The following THSD4 variants were observed in gnomAD, a reference collection of about 807,000 sequenced individuals.
THSD4 encodes the protein thrombospondin type 1 domain containing 4.
In THSD4, 69 loss-of-function variants were observed where a neutral mutation model predicts 119.0. The observed-to-expected ratio is 0.58, with a 90% CI of 0.48 to 0.71. The LOEUF is 0.71. Ranked by LOEUF, THSD4 falls within the 30% of genes least tolerant of loss-of-function variation. THSD4 has a pLI of 0.00. For synonymous variants in THSD4, 524 were observed against 540.4 expected (o/e 0.97, Z 0.42); for missense variants, 1,393 against 1,391.1 (o/e 1.00, Z -0.02).
intron 6 of THSD4, among the ~76,000 whole-genome samples, chr15:71,292,001 G>C (rs1243404836): frequency 6.6e-6 from 1 of 152,020 alleles, no homozygotes; most frequent in Non-Finnish European, 1.5e-5. Context: ...CTCAAGAAAG[G>C]GTGCGAGGGA....
chr15:71,685,450 A>G (rs924703171), intron 8 of THSD4, among the ~76,000 whole-genome samples: 1 of 152,164 alleles, frequency 6.6e-6, no homozygotes, highest in Non-Finnish European at 1.5e-5. Flanking sequence ...TAAACTCACT[A>G]TATAATACAG....
intron 7 of THSD4, among the ~76,000 whole-genome samples, chr15:71,471,928 G>C (rs2047586377): frequency 6.6e-6 from 1 of 151,870 alleles, no homozygotes; most frequent in Non-Finnish European, 1.5e-5. Flanking sequence ...TTTTGTTTTT[G>C]TTCTGAGAGA....
chr15:71,310,492 G>A (rs1009433687), intron 6 of THSD4, among the ~76,000 whole-genome samples: 2 of 152,140 alleles, frequency 1.3e-5, no homozygotes, highest in African/African-American at 4.8e-5. Flanking sequence ...AACAAAGTAT[G>A]GACAGCCATG....
intron 7 of THSD4, among the ~76,000 whole-genome samples, chr15:71,429,112 A>G (rs971373333): frequency 2.0e-5 from 3 of 152,206 alleles, no homozygotes; most frequent in Admixed American, 6.5e-5. Context: ...AGGTTCACTG[A>G]CAAAAGGCAG....
intron 4 of THSD4, among the ~76,000 whole-genome samples, chr15:71,235,340 C>T (rs1480933853): frequency 6.6e-6 from 1 of 152,160 alleles, no homozygotes; most frequent in African/African-American, 2.4e-5. Flanking sequence ...GCAAATGTGG[C>T]ATAAAGGCTC....
chr15:71,564,126 C>G (rs543448123), intron 7 of THSD4, among the ~76,000 whole-genome samples: 17 of 152,314 alleles, frequency 1.1e-4, no homozygotes, highest in African/African-American at 4.1e-4. Context: ...GTCAGTGATT[C>G]TGCAATGTTT....
At chr15:71,679,310 C>CT (rs950464420) in intron 8 of THSD4, among the ~76,000 whole-genome samples, 31 of 151,982 alleles carry the variant, frequency 2.0e-4, no homozygotes, top group East Asian at 3.9e-4. Context: ...GGCTGGCAAC[C>CT]TTTTTTTTGG....
At chr15:71,545,742 T>C (rs903315237) in intron 7 of THSD4, among the ~76,000 whole-genome samples, 30 of 152,142 alleles carry the variant, frequency 2.0e-4, no homozygotes, top group African/African-American at 6.8e-4. Context: ...TTCCTTTCTT[T>C]CCTTAACTGG....
At chr15:71,298,342 T>TTGTAGCACAGTATA (rs1296763903) in intron 6 of THSD4, among the ~76,000 whole-genome samples, 7 of 152,222 alleles carry the variant, frequency 4.6e-5, no homozygotes, top group Non-Finnish European at 1.0e-4. Flanking sequence ...TACTGTAGCT[T>TTGTAGCACAGTATA]TGTAGCACAT....
At chr15:71,205,365 A>G (rs2043834904) in intron 3 of THSD4, among the ~76,000 whole-genome samples, 1 of 152,170 alleles carries the variant, frequency 6.6e-6, no homozygotes, top group African/African-American at 2.4e-5. Context: ...ATTGAGAGAA[A>G]GCCTTCGGGT....
At chr15:71,296,609 C>G (rs2044866608) in intron 6 of THSD4, among the ~76,000 whole-genome samples, 1 of 152,196 alleles carries the variant, frequency 6.6e-6, no homozygotes, top group African/African-American at 2.4e-5. Context: ...CTGCGCAGCA[C>G]CTGTCCTGCA....
chr15:71,108,206 G>A (rs573594256), intron 1 of THSD4, among the ~76,000 whole-genome samples: 2 of 152,274 alleles, frequency 1.3e-5, no homozygotes, highest in South Asian at 4.1e-4. Flanking sequence ...CCAGTGCTAT[G>A]GAAGAAATGC....
chr15:71,598,026 A>G (rs1475054744), intron 7 of THSD4, among the ~76,000 whole-genome samples: 1 of 152,108 alleles, frequency 6.6e-6, no homozygotes, highest in Middle Eastern at 3.2e-3. Context: ...CAGGCCTTCA[A>G]GGTGCTCCCA....
At chr15:71,660,430 T>C (rs941878628) in intron 7 of THSD4, 100 bp from the exon 8 acceptor site, 2 of 1,429,848 alleles carry the variant, frequency 1.4e-6, no homozygotes, top group African/African-American at 1.4e-5. Flanking sequence ...ATTTCGTAAA[T>C]AGCTAGAAAA....
chr15:71,567,140 C>T (rs116305678), intron 7 of THSD4, among the ~76,000 whole-genome samples: 287 of 152,250 alleles, frequency 1.9e-3, no homozygotes, highest in African/African-American at 6.5e-3. Flanking sequence ...GAACTGCCCT[C>T]GACTGTACTG....
chr15:71,275,989 GACTAATAC>G (rs1305394857), intron 6 of THSD4, among the ~76,000 whole-genome samples: 1 of 152,184 alleles, frequency 6.6e-6, no homozygotes, highest in African/African-American at 2.4e-5. Context: ...CATGAGAACG[GACTAATAC>G]ACTGTCCTTC....
At chr15:71,656,107 A>G (rs2051185866) in intron 7 of THSD4, among the ~76,000 whole-genome samples, 2 of 152,218 alleles carry the variant, frequency 1.3e-5, no homozygotes, top group South Asian at 2.1e-4. Flanking sequence ...GGAGGAGACT[A>G]TCGGCTGCTT....
In THSD4 at chr15:71,778,808, AG is replaced by A. The variant is rs2053957005; in HGVS notation, c.*1435del. On this transcript the variant is annotated 3_prime_UTR_variant, in exon 18 of 18. Coordinates refer to ENST00000261862, the MANE Select transcript of THSD4 (RefSeq NM_024817.3). Reference sequence around the variant, plus strand: ...TCCAATTCACTTTCCCCAACTATCCAGTTCCAGAGGCCGCAGGCCTGGAAGG... The same window carrying A: ...TCCAATTCACTTTCCCCAACTATCCATTCCAGAGGCCGCAGGCCTGGAAGG... 6.6e-6 allele frequency: 1 copy of A among 152,258 alleles called. No individual in the cohort carries two copies. Among genetic ancestry groups the A allele is most frequent in the African/African-American group, 2.4e-5 (1 of 41,446 alleles). The allele number at this position is 152,258 out of a possible 1,614,324, so 9.4% of individuals were successfully genotyped here.
At chr15:71,526,917 A>G (rs2140801768) in intron 7 of THSD4, among the ~76,000 whole-genome samples, 1 of 152,326 alleles carries the variant, frequency 6.6e-6, no homozygotes, top group Middle Eastern at 3.4e-3. Flanking sequence ...TAAGAGGCAC[A>G]GTGTCATGTC....
Sources: gnomAD v4.1 joint callset for allele counts (sites outside exome capture counted in the v4.1 genomes callset) on GRCh38, gnomAD v4.1.1 for gene constraint, MANE v1.5 for transcripts, NCBI Gene and HGNC (gene_info 2026-07-23, HGNC 2026-07-21) for gene names.